ITGAM: variants seen among roughly 807,000 people sequenced by gnomAD.
The protein encoded by ITGAM is integrin alpha-M.
ITGAM carries 79 observed loss-of-function variants against 137.5 expected under a neutral mutation model. The observed-to-expected ratio is 0.57, with a 90% CI of 0.48 to 0.69. The LOEUF (loss-of-function observed/expected upper bound fraction) is 0.69, where lower values mean the gene tolerates loss of function less well. ITGAM is among the 30% of genes least tolerant of loss of function. ITGAM has a pLI of 0.00. For missense variants in ITGAM, 1,343 were observed against 1,483.5 expected, an observed-to-expected ratio of 0.91 and a Z score of 1.56; for synonymous variants, 583 against 592.3, an observed-to-expected ratio of 0.98 and a Z score of 0.23.
Position 31,272,422 on chromosome 16 carries a change from A to AGTAT in ITGAM, c.704+430_704+431insGTAT, listed in dbSNP as rs2079850545. On this transcript the variant is annotated intron_variant, in intron 7 of 29. Transcript: ENST00000544665. ...GGAGAGGTTTCCTGAAGGCCAATTAACTATATATATATATATATATATATA... is the reference window on the plus strand; with the variant it reads ...GGAGAGGTTTCCTGAAGGCCAATTAAGTATCTATATATATATATATATATATATA... 1.0e-3 allele frequency among the ~76,000 whole-genome samples: 51 copies of AGTAT among 48,962 alleles called. 5 individuals are homozygous for AGTAT. Among genetic ancestry groups the AGTAT allele is most frequent in the African/African-American group, 3.4e-3 (46 of 13,656 alleles). 32.1% of individuals were successfully genotyped at this position (48,962 alleles called of 152,430 possible). A position where few individuals can be genotyped will look rare whatever the true frequency, so the allele number is the denominator to read the frequency against.
chr16:31,287,845 G>A (rs966784832), intron 12 of ITGAM, among the ~76,000 whole-genome samples: 2 of 152,080 alleles, frequency 1.3e-5, no homozygotes, highest in African/African-American at 2.4e-5. Flanking sequence ...AAAAAGTGTA[G>A]AGGAATTACG....
intron 12 of ITGAM, among the ~76,000 whole-genome samples, chr16:31,284,854 C>A (rs781289285): frequency 1.3e-5 from 2 of 151,976 alleles, no homozygotes; most frequent in Admixed American, 6.6e-5. Flanking sequence ...ATCTTGGAAC[C>A]TCCTCTGCCT....
At chr16:31,260,196 G>T (rs969252016) in intron 1 of ITGAM, 104 bp downstream of exon 1, 2 of 803,902 alleles carry the variant, frequency 2.5e-6, no homozygotes, top group African/African-American at 3.5e-5. Context: ...CTGGGGAGAG[G>T]CAAAGGGGAT....
intron 7 of ITGAM, 116 bp from the exon 8 acceptor site, chr16:31,273,249 T>C (rs370031293): frequency 2.3e-6 from 2 of 867,330 alleles, no homozygotes; most frequent in African/African-American, 1.7e-5. Flanking sequence ...TGAGCTATGA[T>C]TGTGTCTCTG....
intron 6 of ITGAM, 70 bp from the exon 7 acceptor site, chr16:31,271,777 G>A: frequency 6.3e-7 from 1 of 1,583,506 alleles, no homozygotes; most frequent in African/African-American, 1.3e-5. Flanking sequence ...GATCTTCGTG[G>A]AGCTTGCTGG....
At chr16:31,275,428 C>A (rs940044773) in intron 8 of ITGAM, 121 bp from the exon 9 acceptor site, 40 of 1,045,816 alleles carry the variant, frequency 3.8e-5, no homozygotes, top group Non-Finnish European at 5.5e-5. Flanking sequence ...GTCCCAGGGA[C>A]CTTCTGATGC....
At chr16:31,316,855 T>C (rs972806507) in intron 14 of ITGAM, among the ~76,000 whole-genome samples, 1 of 152,234 alleles carries the variant, frequency 6.6e-6, no homozygotes, top group Non-Finnish European at 1.5e-5. Flanking sequence ...CATTTTATTT[T>C]TTGATGCCAT....
Position 31,272,009 on chromosome 16 carries a change from C to T in ITGAM, c.704+17C>T. ...CAAAGTGGTGTAAGCTTCCCCTTTT[C>T]CCTTAGGATGGAGGGAGGAGGAGAC... On this transcript the variant is annotated intron_variant, in intron 7 of 29. Coordinates refer to ENST00000544665, the MANE Select transcript of ITGAM (RefSeq NM_000632.4). 2 of 1,613,902 alleles carry T rather than the reference C, an allele frequency of 1.2e-6. No homozygotes were observed. The highest frequency in any genetic ancestry group is 1.7e-6 in the Non-Finnish European group (2 of 1,179,858).
chr16:31,331,598 G>A, intron 29 of ITGAM, 38 bp from the exon 30 acceptor site: 4 of 1,374,686 alleles, frequency 2.9e-6, no homozygotes, highest in Non-Finnish European at 3.9e-6. Context: ...CACGCTCCCT[G>A]GCTGCTGTCG....
rs2080594188 is a variant in ITGAM, at chr16:31,331,994, CAA to C, written c.*288_*289del. On this transcript the variant is annotated 3_prime_UTR_variant, in exon 30 of 30. Coordinates refer to ENST00000544665, the MANE Select transcript of ITGAM (RefSeq NM_000632.4). ...GTGTGTGCGTGTGTCCATGTGTGTGCAAGTGTGTGCATGTGTGCGAGTGTGTG... is the reference window on the plus strand; with the variant it reads ...GTGTGTGCGTGTGTCCATGTGTGTGCGTGTGTGCATGTGTGCGAGTGTGTG... 1 of 475,940 alleles carries C rather than the reference CAA, an allele frequency of 2.1e-6. No homozygotes were observed. The highest frequency in any genetic ancestry group is 2.0e-5 in the African/African-American group (1 of 49,498). The allele number at this position is 475,940 out of a possible 1,614,324, so 29.5% of individuals were successfully genotyped here.
At chr16:31,319,185 G>T (rs555485626) in intron 14 of ITGAM, among the ~76,000 whole-genome samples, 2 of 151,452 alleles carry the variant, frequency 1.3e-5, no homozygotes, top group Admixed American at 6.6e-5. Flanking sequence ...TGCAGTAGTT[G>T]GCTTGTGTAT....
At chr16:31,260,138 CT>C in intron 1 of ITGAM, 46 bp downstream of exon 1, 1 of 1,383,958 alleles carries the variant, frequency 7.2e-7, no homozygotes, top group Non-Finnish European at 1.0e-6. Context: ...AGGAGGGTAA[CT>C]TTTGGGTCTG....
At position 31,324,576 on chromosome 16, in the gene ITGAM, C is replaced by T. The variant is rs1249028044; in HGVS notation, c.2157+23C>T. 1.2e-6 allele frequency: 2 copies of T among 1,610,108 alleles called. No individual in the cohort carries two copies. The highest frequency in any genetic ancestry group is 8.5e-7 in the Non-Finnish European group (1 of 1,178,310). On this transcript the variant is annotated intron_variant, in intron 17 of 29. Transcript: ENST00000544665. This position sits in a 1 kb window ranked among gnomAD's most constrained non-coding sequence, Gnocchi z 4.5. The stretch of plus-strand genomic sequence containing the variant: ...CCGGTGAGCAGGCTAGTGGCCAGAC[C>T]CCTGGGTCTTCCAAGCATGGAGTGG...
rs1472764760 is a variant in ITGAM, at chr16:31,331,238, T to A, written c.3350T>A (p.Leu1117Gln). ...ATCGTGGGCAGCTCTGTCGGGGGAC[T>A]GCTGCTCCTGGCCCTCATCACCGCC... is the stretch of plus-strand genomic sequence containing the variant. Reference protein sequence around the residue: ...PLIVGSSVGGLLLLALITAAL... With the variant: ...PLIVGSSVGGQLLLALITAAL... Residue 1117 changes from leucine to glutamine, a missense_variant, in exon 29 of 30, where the codon CTG (leucine) becomes CAG (glutamine). By Grantham distance (113) the Leu-to-Gln change is moderately radical. Transcript: ENST00000544665. 6.2e-7 allele frequency: 1 copy of A among 1,612,642 alleles called. No homozygotes were observed.
intron 14 of ITGAM, 127 bp downstream of exon 14, chr16:31,298,081 C>T (rs2080156046): frequency 2.4e-6 from 2 of 818,732 alleles, no homozygotes; most frequent in East Asian, 5.4e-5. Context: ...AAAATAATAA[C>T]ATGTGGCTGG....
At chr16:31,290,475 G>C (rs2080076136) in intron 12 of ITGAM, among the ~76,000 whole-genome samples, 1 of 151,972 alleles carries the variant, frequency 6.6e-6, no homozygotes, top group South Asian at 2.1e-4. Context: ...GATTAAAGAA[G>C]AAAAAACATG....
intron 5 of ITGAM, among the ~76,000 whole-genome samples, chr16:31,269,928 A>G (rs1197164055): frequency 6.6e-6 from 1 of 152,212 alleles, no homozygotes; most frequent in Non-Finnish European, 1.5e-5. Flanking sequence ...AGAGGGCAAC[A>G]GAGTCCTGGT....
intron 14 of ITGAM, among the ~76,000 whole-genome samples, chr16:31,306,756 C>T (rs1323594008): frequency 2.6e-5 from 4 of 151,978 alleles, no homozygotes; most frequent in Non-Finnish European, 4.4e-5. Context: ...GTGATCTGCC[C>T]GTCTCAGCAT....
At chr16:31,269,677 T>C (rs1047935939) in intron 5 of ITGAM, among the ~76,000 whole-genome samples, 1 of 152,160 alleles carries the variant, frequency 6.6e-6, no homozygotes, top group Non-Finnish European at 1.5e-5. Context: ...TCAGGGACTT[T>C]CCAAGCCCTG....
Sources: allele counts gnomAD v4.1 joint callset (sites outside exome capture counted in the v4.1 genomes callset), GRCh38; gene constraint gnomAD v4.1.1; non-coding constraint Gnocchi (gnomAD v3.1); transcripts MANE v1.5; gene names NCBI Gene and HGNC (gene_info 2026-07-23, HGNC 2026-07-21).